Variants in COQ2 observed in about 807,000 individuals in gnomAD.
COQ2 encodes 4-hydroxybenzoate polyprenyltransferase, mitochondrial.
COQ2 carries 25 observed loss-of-function variants against 35.7 expected under a neutral mutation model. The ratio of observed to expected loss-of-function variants is 0.70; its 90% CI spans 0.51 to 0.98. The LOEUF (loss-of-function observed/expected upper bound fraction) is 0.98. COQ2 is among the 50% of genes least tolerant of loss of function. COQ2 has a pLI of 0.00. For synonymous variants in COQ2, 206 were observed against 186.2 expected (o/e 1.11, Z -0.86); for missense variants, 488 against 473.5 (o/e 1.03, Z -0.28).
At chr4:83,273,412 G>T in intron 3 of COQ2, 84 bp downstream of exon 3, 1 of 1,400,432 alleles carries the variant, frequency 7.1e-7, no homozygotes, top group Non-Finnish European at 9.8e-7. Flanking sequence ...GAACAACTTT[G>T]TGATAAAGAT....
intron 5 of COQ2, among the ~76,000 whole-genome samples, chr4:83,268,357 C>A (rs954100269): frequency 6.6e-6 from 1 of 152,196 alleles, no homozygotes; most frequent in Non-Finnish European, 1.5e-5. Flanking sequence ...ATGTAGCTGC[C>A]TGGTTTCTCC....
chr4:83,279,018 G>A lies in COQ2; in HGVS notation c.350C>T (p.Thr117Ile). Residue 117 changes from threonine (T) to isoleucine (I), a missense_variant, in exon 2 of 7, where the codon ACT becomes ATT. Transcript: ENST00000647002. ...TGCTCCACGCATCAGAATAGCTCCA[G>A]TGCCAAAGAGGGAGAGCATGTACCA... ...PDWYMLSLFG[T>I]GAILMRGAGC... 6.2e-7 allele frequency: 1 copy of A among 1,607,674 alleles called. No homozygotes were observed. Among genetic ancestry groups the A allele is most frequent in the Non-Finnish European group, 8.5e-7 (1 of 1,176,820 alleles).
At chr4:83,267,464 G>A (rs868437583) in intron 6 of COQ2, 122 bp downstream of exon 6, 2 of 831,354 alleles carry the variant, frequency 2.4e-6, no homozygotes, top group Middle Eastern at 7.1e-4. Context: ...GTTAAAGGTA[G>A]TAGAAGCCAA....
chr4:83,273,194 A>G (rs1735090372), intron 3 of COQ2, among the ~76,000 whole-genome samples: 1 of 152,222 alleles, frequency 6.6e-6, no homozygotes, highest in Non-Finnish European at 1.5e-5. Context: ...GTGGGTGTAT[A>G]CACACACATC....
At position 83,267,628 on chromosome 4, in the gene COQ2, G is replaced by A; in HGVS notation, c.909C>T (p.Tyr303=). 6.3e-7 allele frequency: 1 copy of A among 1,585,510 alleles called. No individual in the cohort carries two copies. Among genetic ancestry groups the A allele is most frequent in the East Asian group, 2.3e-5 (1 of 43,202 alleles). ...VGVNSGQTAP[Y]YAALGAVGAH... ...CTCCTACAGCACCCAGGGCAGCGTAGTAGGGAGCAGTCTGTCCACTGTTCA... is the reference window on the plus strand; with the variant it reads ...CTCCTACAGCACCCAGGGCAGCGTAATAGGGAGCAGTCTGTCCACTGTTCA... Residue 303 remains tyrosine, a synonymous_variant, in exon 6 of 7, where the codon TAC becomes TAT. Coordinates refer to ENST00000647002, the MANE Select transcript of COQ2 (RefSeq NM_001358921.2).
In COQ2 at chr4:83,272,173, C is replaced by G; in HGVS notation, c.543-1G>C. ...TAAGGATCCTGCTCCCAGAGCTATA[C>G]TGAAAAGAGGAAAAACCATTAAAGT... On this transcript the variant is annotated splice_acceptor_variant, in intron 3 of 6. Coordinates refer to ENST00000647002, the MANE Select transcript of COQ2 (RefSeq NM_001358921.2). LOFTEE classifies it high-confidence loss of function. 1 of 1,600,930 alleles carries G rather than the reference C, an allele frequency of 6.2e-7. No individual in the cohort carries two copies. The highest frequency in any genetic ancestry group is 8.5e-7 in the Non-Finnish European group (1 of 1,172,320).
chr4:83,269,230 A>C (rs1439218871), intron 5 of COQ2, among the ~76,000 whole-genome samples: 1 of 152,178 alleles, frequency 6.6e-6, no homozygotes, highest in Admixed American at 6.5e-5. Context: ...AGAAACTGTG[A>C]ATTTTTTTTT....
intron 2 of COQ2, among the ~76,000 whole-genome samples, chr4:83,276,024 AT>A (rs11337116): frequency 0.67 from 92,839 of 138,802 alleles, 31,219 homozygotes; most frequent in East Asian, 0.87. Context: ...TATAATATAT[AT>A]TTTTATATAA....
At chr4:83,275,003 T>C (rs1735134018) in intron 2 of COQ2, among the ~76,000 whole-genome samples, 1 of 152,246 alleles carries the variant, frequency 6.6e-6, no homozygotes. Flanking sequence ...AATTTCCATT[T>C]GGTTCTCCTT....
intron 4 of COQ2, among the ~76,000 whole-genome samples, 181 bp downstream of exon 4, chr4:83,271,906 T>C (rs1008788422): frequency 1.3e-5 from 2 of 152,148 alleles, no homozygotes; most frequent in African/African-American, 4.8e-5. Context: ...CTAATAAATA[T>C]GCAATATTTC....
At position 83,284,553 on chromosome 4, in the gene COQ2, AG is replaced by A. The variant is rs766511848; in HGVS notation, c.211del (p.Leu71CysfsTer51). On this transcript the variant is annotated frameshift_variant, in exon 1 of 7. Transcript: ENST00000647002. LOFTEE classifies it high-confidence loss of function. ...CCGCATGAGGCGCAAGTACGGCTGCAGGGGGCGGGGCGCAGAGTCCACCACC... is the reference window on the plus strand; with the variant it reads ...CCGCATGAGGCGCAAGTACGGCTGCAGGGGCGGGGCGCAGAGTCCACCACC... ...AAVVDSAPRP[L>X]QPYLRLMRLD... The A allele has an allele frequency of 1.9e-6, 3 of 1,570,656 alleles. No homozygotes were observed. The highest frequency in any genetic ancestry group is 2.7e-5 in the African/African-American group (2 of 72,840).
chr4:83,278,331 CA>C lies in COQ2; in HGVS notation c.420+616del, dbSNP rs538971668. 8.6e-4 allele frequency among the ~76,000 whole-genome samples: 126 copies of C among 146,968 alleles called. No individual in the cohort carries two copies. In the South Asian group the frequency reaches 0.022, roughly 26 times the overall value. On this transcript the variant is annotated intron_variant, in intron 2 of 6. Coordinates refer to ENST00000647002, the MANE Select transcript of COQ2 (RefSeq NM_001358921.2). ...TTATACACATGCATTAGAACAGGTACAAAAAAAAAATCCAGTGAAAAATAAT... is the reference window on the plus strand; with the variant it reads ...TTATACACATGCATTAGAACAGGTACAAAAAAAAATCCAGTGAAAAATAAT...
In COQ2 at chr4:83,284,516, G is replaced by A. The variant is rs748175494; in HGVS notation, c.249C>T (p.Pro83=). The part of the protein sequence containing the change: ...PYLRLMRLDK[P]IGTWLLYLPC... Reference sequence around the variant, plus strand: ...TGCCCGCCCGCCCGCACTCACCAATGGGCTTGTCCAACCGCATGAGGCGCA... The same window carrying A: ...TGCCCGCCCGCCCGCACTCACCAATAGGCTTGTCCAACCGCATGAGGCGCA... The change falls in exon 1 of 7, where the codon CCC becomes CCT. Residue 83 remains proline, a synonymous_variant. Transcript: ENST00000647002. 2.5e-6 allele frequency: 4 copies of A among 1,572,652 alleles called. No individual in the cohort carries two copies. Among genetic ancestry groups the A allele is most frequent in the Admixed American group, 1.8e-5 (1 of 54,910 alleles).
chr4:83,284,632 G>A lies in COQ2; in HGVS notation c.133C>T (p.Pro45Ser), dbSNP rs772952822. ...AGAPHGGDLQ[P>S]PACPEPRGRQ... ...CCGCGCGGCTCGGGACAGGCGGGGG[G>A]CTGCAAGTCACCACCGTGGGGCGCG... is the stretch of plus-strand genomic sequence containing the variant. Residue 45 changes from proline to serine, a missense_variant, in exon 1 of 7, where the codon CCC becomes TCC. Physicochemically the swap from Pro to Ser is moderately conservative, Grantham distance 74 (BLOSUM62 -1). Transcript: ENST00000647002. The A allele has an allele frequency of 2.7e-6, 4 of 1,509,242 alleles. No individual in the cohort carries two copies. Among genetic ancestry groups the A allele is most frequent in the Admixed American group, 4.3e-5 (2 of 46,440 alleles). The allele number at this position is 1,509,242 out of a possible 1,614,324, so 93.5% of individuals were successfully genotyped here.
At position 83,279,114 on chromosome 4, in the gene COQ2, C is replaced by T. The variant is rs759432745; in HGVS notation, c.254G>A (p.Gly85Glu). 6.5e-7 allele frequency: 1 copy of T among 1,543,860 alleles called. No individual in the cohort carries two copies. Among genetic ancestry groups the T allele is most frequent in the Non-Finnish European group, 8.7e-7 (1 of 1,149,744 alleles). ...LRLMRLDKPI[G>E]TWLLYLPCTW... Reference sequence around the variant, plus strand: ...ACATGGTAAATACAGAAGCCAGGTTCCTAAGCAAAAATAAAAAGACAAAAA... The same window carrying T: ...ACATGGTAAATACAGAAGCCAGGTTTCTAAGCAAAAATAAAAAGACAAAAA... Residue 85 changes from glycine to glutamate, a missense_variant and splice_region_variant, in exon 2 of 7, where the codon GGA (glycine) becomes GAA (glutamate). Physicochemically the swap from Gly to Glu is moderately conservative, Grantham distance 98. Transcript: ENST00000647002.
At chr4:83,283,301 T>C (rs1005288009) in intron 1 of COQ2, 2 of 985,322 alleles carry the variant, frequency 2.0e-6, no homozygotes, top group African/African-American at 3.5e-5. Flanking sequence ...AATGTCATCA[T>C]CTAGATTGGC....
At position 83,269,970 on chromosome 4, in the gene COQ2, A is replaced by G. The variant is rs1313857489; in HGVS notation, c.652T>C (p.Leu218=). The G allele has an allele frequency of 1.9e-6, 3 of 1,613,160 alleles. No homozygotes were observed. Among genetic ancestry groups the G allele is most frequent in the Non-Finnish European group, 1.7e-6 (2 of 1,179,606 alleles). ...ALGLTFNWGA[L]LGWSAIKGSC... ...CCCTTGATAGCAGACCATCCAAGTA[A>G]CGCTCCCCAATTAAATGTCAAGCCT... is the stretch of plus-strand genomic sequence containing the variant. Residue 218 remains leucine (L), a synonymous_variant, in exon 5 of 7, where the codon TTA becomes CTA. Coordinates refer to ENST00000647002, the MANE Select transcript of COQ2 (RefSeq NM_001358921.2).
intron 4 of COQ2, 83 bp downstream of exon 4, chr4:83,272,003 TC>T: frequency 1.1e-6 from 1 of 879,288 alleles, no homozygotes; most frequent in Non-Finnish European, 1.7e-6. Context: ...ATTTGTCATT[TC>T]ATCTTTACCT....
Position 83,264,196 on chromosome 4 carries a change from TC to T in COQ2, c.*2del, listed in dbSNP as rs1734855472. On this transcript the variant is annotated 3_prime_UTR_variant, in exon 7 of 7. Transcript: ENST00000647002. Reference sequence around the variant, plus strand: ...TTAAAAATTCCTAGATAAATTTCATTCATTAATTTTCTATTTTATTCTCTAT... The same window carrying T: ...TTAAAAATTCCTAGATAAATTTCATTATTAATTTTCTATTTTATTCTCTAT... 2 of 1,264,392 alleles carry T rather than the reference TC, an allele frequency of 1.6e-6. No homozygotes were observed. The highest frequency in any genetic ancestry group is 2.9e-5 in the South Asian group (2 of 68,102). 78.3% of individuals were successfully genotyped at this position (1,264,392 alleles called of 1,614,324 possible).
Sources: gnomAD v4.1 joint callset for allele counts (sites outside exome capture counted in the v4.1 genomes callset) on GRCh38, gnomAD v4.1.1 for gene constraint, MANE v1.5 for transcripts, NCBI Gene and HGNC (gene_info 2026-07-23, HGNC 2026-07-21) for gene names.